KDM2B: variants seen among roughly 807,000 people sequenced by gnomAD.
KDM2B encodes the protein lysine demethylase 2B, also known as lysine-specific demethylase 2B.
Under a neutral mutation model 150.0 loss-of-function variants are expected in KDM2B, and 26 were observed. That is an observed-to-expected ratio of 0.17 (90% CI 0.13 to 0.24). The LOEUF is 0.24. Ranked by LOEUF, KDM2B falls within the 10% of genes least tolerant of loss-of-function variation. KDM2B has a pLI of 1.00. For synonymous variants in KDM2B, 734 were observed against 729.5 expected, an observed-to-expected ratio of 1.01 and a Z score of -0.10; for missense variants, 1,265 against 1,816.9, an observed-to-expected ratio of 0.70 and a Z score of 5.52.
chr12:121,487,054 C>T (rs908088730), intron 12 of KDM2B, among the ~76,000 whole-genome samples: 1 of 151,462 alleles, frequency 6.6e-6, no homozygotes, highest in Non-Finnish European at 1.5e-5. Context: ...GTGGGAGGAT[C>T]GCTTGAGCCC....
intron 4 of KDM2B, among the ~76,000 whole-genome samples, chr12:121,570,208 A>C (rs1386685167): frequency 6.6e-6 from 1 of 151,774 alleles, no homozygotes; most frequent in Non-Finnish European, 1.5e-5. Context: ...CGCCACCATG[A>C]CCGGCTGATT....
chr12:121,440,197 A>G lies in KDM2B; in HGVS notation c.3611-122T>C, dbSNP rs1874738596. The G allele has an allele frequency of 6.0e-6, 4 of 668,920 alleles. No homozygotes were observed. The South Asian group carries it at 7.4e-5, about 12-fold the overall frequency. The allele number at this position is 668,920 out of a possible 1,614,324, so 41.4% of individuals were successfully genotyped here. Reference sequence around the variant, plus strand: ...ACACTCAGATTTCATTTAGTTATAAACTGCTTCCTCCCAAAATCATAATTC... The same window carrying G: ...ACACTCAGATTTCATTTAGTTATAAGCTGCTTCCTCCCAAAATCATAATTC... On this transcript the variant is annotated intron_variant, in intron 21 of 22. Coordinates refer to ENST00000377071, the MANE Select transcript of KDM2B (RefSeq NM_032590.5).
At chr12:121,446,261 G>A (rs1204780956) in intron 13 of KDM2B, among the ~76,000 whole-genome samples, 2 of 152,214 alleles carry the variant, frequency 1.3e-5, no homozygotes, top group East Asian at 1.9e-4. Flanking sequence ...AGCCGGGCGT[G>A]GTGGCGGGCG....
downstream of KDM2B, among the ~76,000 whole-genome samples, chr12:121,425,274 C>A (rs893516754): frequency 1.3e-5 from 2 of 149,004 alleles, no homozygotes; most frequent in African/African-American, 5.0e-5. Context: ...TGCCATTGCA[C>A]TCCAGGCTGG....
At chr12:121,455,717 G>A (rs1878127952) in intron 12 of KDM2B, among the ~76,000 whole-genome samples, 4 of 152,076 alleles carry the variant, frequency 2.6e-5, no homozygotes, top group Admixed American at 2.6e-4. Context: ...AAACAAAAAA[G>A]GAAGAAATCC....
At chr12:121,425,278 A>C (rs1872457651), downstream of KDM2B, among the ~76,000 whole-genome samples, 1 of 143,220 alleles carries the variant, frequency 7.0e-6, no homozygotes, top group African/African-American at 2.7e-5. Context: ...ATTGCACTCC[A>C]GGCTGGGCGA....
At chr12:121,527,143 G>A (rs1043370499) in intron 8 of KDM2B, among the ~76,000 whole-genome samples, 2 of 151,220 alleles carry the variant, frequency 1.3e-5, no homozygotes, top group African/African-American at 4.8e-5. Flanking sequence ...TGCCTCCCGG[G>A]TTCACACCAT....
Position 121,495,665 on chromosome 12 carries a change from T to C in KDM2B, c.1648-1000A>G, listed in dbSNP as rs564312135. Among the ~76,000 whole-genome samples the C allele has an allele frequency of 1.7e-4, 26 of 152,266 alleles. No individual in the cohort carries two copies. In the South Asian group the frequency reaches 5.0e-3, roughly 29 times the overall value. On this transcript the variant is annotated intron_variant, in intron 11 of 22. Coordinates refer to ENST00000377071, the MANE Select transcript of KDM2B (RefSeq NM_032590.5). ...CTACGGATCCTCTAATGTTCACAAA[T>C]TTAACTACGTACTCAGCGAAGCAAA...
At chr12:121,534,734 A>G (rs1887951335) in intron 6 of KDM2B, 144 bp from the exon 7 acceptor site, 1 of 625,834 alleles carries the variant, frequency 1.6e-6, no homozygotes, top group Admixed American at 2.9e-5. Context: ...TTAAAAATCC[A>G]AATGTAATCG....
Position 121,533,108 on chromosome 12 carries a change from G to A in KDM2B, c.778-149C>T. ...GAGAGATGGCAGATCCATCCCTCTG[G>A]ACTCTCTGCAAGGCCAGGTCCCTAG... On this transcript the variant is annotated intron_variant, in intron 7 of 22. Coordinates refer to ENST00000377071, the MANE Select transcript of KDM2B (RefSeq NM_032590.5). The surrounding 1 kb of genome is among the most constrained non-coding windows in gnomAD (Gnocchi z 4.1). 1.3e-6 allele frequency: 1 copy of A among 751,728 alleles called. No homozygotes were observed. The highest frequency in any genetic ancestry group is 2.1e-6 in the Non-Finnish European group (1 of 467,238). 46.6% of individuals were successfully genotyped at this position (751,728 alleles called of 1,614,324 possible). A position where few individuals can be genotyped will look rare whatever the true frequency, so the allele number is the denominator to read the frequency against.
intron 12 of KDM2B, among the ~76,000 whole-genome samples, chr12:121,465,320 G>A (rs143684932): frequency 2.9e-4 from 44 of 152,228 alleles, no homozygotes; most frequent in African/African-American, 8.2e-4. Context: ...CGCAACCTCC[G>A]CCTCCTGGGT....
intron 14 of KDM2B, 77 bp from the exon 15 acceptor site, chr12:121,444,613 G>C (rs902378322): frequency 9.0e-6 from 11 of 1,227,878 alleles, no homozygotes; most frequent in African/African-American, 1.5e-5. Flanking sequence ...GTGACGCCAC[G>C]TCTTCCAGAA....
In KDM2B at chr12:121,438,996, C is replaced by G. The variant is rs557402032; in HGVS notation, c.3829+861G>C. ...GTGTACCTCGCTGCATACTGGAGCC[C>G]CAAGTCCTTCAGAACCAACTGCCGC... On this transcript the variant is annotated intron_variant, in intron 22 of 22. Coordinates refer to ENST00000377071, the MANE Select transcript of KDM2B (RefSeq NM_032590.5). Among the ~76,000 whole-genome samples the G allele has an allele frequency of 3.9e-4, 59 of 152,286 alleles. No homozygotes were observed. The South Asian group carries it at 0.01, about 26-fold the overall frequency.
chr12:121,515,970 A>G (rs1238742480), intron 9 of KDM2B, among the ~76,000 whole-genome samples: 3 of 152,122 alleles, frequency 2.0e-5, no homozygotes, highest in African/African-American at 7.2e-5. Context: ...TCTCATAGTT[A>G]CTAGATCGGT....
rs532809839 is a variant in KDM2B, at chr12:121,478,296, A to G, written c.1734+16283T>C. Reference sequence around the variant, plus strand: ...CGCCACTCCGGTAGTAAGCACAACAATACCCAATAGGTAATGTTTTTTGAT... The same window carrying G: ...CGCCACTCCGGTAGTAAGCACAACAGTACCCAATAGGTAATGTTTTTTGAT... On this transcript the variant is annotated intron_variant, in intron 12 of 22. Coordinates refer to ENST00000377071, the MANE Select transcript of KDM2B (RefSeq NM_032590.5). Among the ~76,000 whole-genome samples, 10 of 151,726 alleles carry G rather than the reference A, an allele frequency of 6.6e-5. No homozygotes were observed. The East Asian group carries it at 1.8e-3, about 27-fold the overall frequency.
At chr12:121,408,977 T>C in the KDM2B span, among the ~76,000 whole-genome samples, 1 of 151,912 alleles carries the variant, frequency 6.6e-6, no homozygotes, top group Non-Finnish European at 1.5e-5. Context: ...GGTGACCCTT[T>C]CTTTTTTTTT....
chr12:121,532,886 C>T lies in KDM2B; in HGVS notation c.851G>A (p.Ser284Asn), dbSNP rs782461072. The T allele has an allele frequency of 6.2e-7, 1 of 1,614,228 alleles. No individual in the cohort carries two copies. Among genetic ancestry groups the T allele is most frequent in the Non-Finnish European group, 8.5e-7 (1 of 1,180,026 alleles). Residue 284 changes from serine (S) to asparagine (N), a missense_variant, in exon 8 of 23, where the codon AGT (serine) becomes AAT (asparagine). By Grantham distance (46) the Ser-to-Asn change is conservative (BLOSUM62 1). Around this residue, in one of 11 missense-constraint regions of KDM2B, gnomAD observed 214 missense variants for 447.4 expected, o/e 0.48. Transcript: ENST00000377071. ...CACACGGTCTCCCAGAAAGATGTCA[C>T]TCTGTTTGCCTGACAGCACCCACTC... ...YEEWVLSGKQ[S>N]DIFLGDRVER...
At chr12:121,579,458 T>C (rs1221880200) in intron 1 of KDM2B, among the ~76,000 whole-genome samples, 1 of 151,124 alleles carries the variant, frequency 6.6e-6, no homozygotes, top group Non-Finnish European at 1.5e-5. Flanking sequence ...CCGGGGAAGC[T>C]GGAAAGCTGA....
chr12:121,450,887 C>T (rs1877150314), intron 13 of KDM2B, among the ~76,000 whole-genome samples: 1 of 151,716 alleles, frequency 6.6e-6, no homozygotes, highest in Admixed American at 6.6e-5. Context: ...GAAACAGGAA[C>T]TTTCATGCAC....
Sources: allele counts gnomAD v4.1 joint callset (sites outside exome capture counted in the v4.1 genomes callset), GRCh38; gene constraint gnomAD v4.1.1; regional missense constraint gnomAD v4.1.1; non-coding constraint Gnocchi (gnomAD v3.1); transcripts MANE v1.5; gene names NCBI Gene and HGNC (gene_info 2026-07-23, HGNC 2026-07-21).